TRRAP: variants seen among roughly 807,000 people sequenced by gnomAD.
TRRAP encodes transformation/transcription domain associated protein.
Under a neutral mutation model 438.8 loss-of-function variants are expected in TRRAP, and 41 were observed. The ratio of observed to expected loss-of-function variants is 0.09; its 90% CI spans 0.07 to 0.12. TRRAP has a LOEUF of 0.12. Ranked by LOEUF, TRRAP falls within the 10% of genes least tolerant of loss-of-function variation. The pLI is 1.00. For synonymous variants in TRRAP, 1,994 were observed against 1,962.9 expected, an observed-to-expected ratio of 1.02 and a Z score of -0.42; for missense variants, 3,122 against 5,055.1, an observed-to-expected ratio of 0.62 and a Z score of 11.60.
intron 12 of TRRAP, 128 bp downstream of exon 12, chr7:98,903,645 G>C: frequency 7.4e-7 from 1 of 1,349,646 alleles, no homozygotes; most frequent in Non-Finnish European, 1.0e-6. Context: ...TGCTGTCTTG[G>C]GTTCATTCTT....
chr7:98,993,379 C>T (rs1443925549), intron 65 of TRRAP, among the ~76,000 whole-genome samples, 159 bp from the exon 66 acceptor site: 1 of 152,268 alleles, frequency 6.6e-6, no homozygotes, highest in Non-Finnish European at 1.5e-5. Context: ...GCGCCTAGAA[C>T]CAGGGCCTTC....
intron 11 of TRRAP, among the ~76,000 whole-genome samples, chr7:98,902,558 A>G (rs1414009308): frequency 2.0e-5 from 3 of 150,724 alleles, no homozygotes; most frequent in Non-Finnish European, 4.4e-5. Context: ...ATTTTAATGC[A>G]TATGATTAGA....
intron 4 of TRRAP, among the ~76,000 whole-genome samples, chr7:98,891,090 C>T (rs1795946558): frequency 6.6e-6 from 1 of 150,996 alleles, no homozygotes; most frequent in African/African-American, 2.4e-5. Context: ...GCCACTACGC[C>T]TAGCCTAGTG....
chr7:98,971,872 A>G lies in TRRAP; in HGVS notation c.7766A>G (p.Lys2589Arg). The change falls in exon 53 of 73, where the codon AAG becomes AGG. Residue 2589 changes from lysine (K) to arginine (R), a missense_variant. Coordinates refer to ENST00000456197, the MANE Select transcript of TRRAP (RefSeq NM_001375524.1). ...CCCAAAACCAAAGAACTTTCAGAAA[A>G]GGACATTGGAAACCAGCTGCACATG... The part of the protein sequence containing the change: ...STPKTKELSE[K>R]DIGNQLHMLT... 1 of 1,614,234 alleles carries G rather than the reference A, an allele frequency of 6.2e-7. No homozygotes were observed. Among genetic ancestry groups the G allele is most frequent in the Non-Finnish European group, 8.5e-7 (1 of 1,180,042 alleles).
At chr7:98,968,776 T>G (rs957564641) in intron 51 of TRRAP, among the ~76,000 whole-genome samples, 10 of 152,238 alleles carry the variant, frequency 6.6e-5, no homozygotes, top group Non-Finnish European at 1.0e-4. Context: ...TTCCTGTTCG[T>G]GCCGGATGGG....
At position 99,011,358 on chromosome 7, in the gene TRRAP, T is replaced by C. The variant is rs375877956; in HGVS notation, c.11160T>C (p.Asn3720=). 130 of 1,614,132 alleles carry C rather than the reference T, an allele frequency of 8.1e-5. 1 individual carries two copies. In the African/African-American group the frequency reaches 1.6e-3, roughly 20 times the overall value. The change falls in exon 72 of 73, where the codon AAT becomes AAC. Residue 3720 remains asparagine (N), a synonymous_variant. Transcript: ENST00000456197. This position sits in a 1 kb window ranked among gnomAD's most constrained non-coding sequence, Gnocchi z 7.1. ...AAATTTAGGACACTGGCAAACTGAA[T>C]GTTGCCTACTTTCGATTTGACATAA... ...LQIAQDTGKL[N]VAYFRFDIND... is the part of the protein sequence containing the mutation.
At chr7:98,897,228 C>G (rs1170977887) in intron 7 of TRRAP, among the ~76,000 whole-genome samples, 4 of 152,078 alleles carry the variant, frequency 2.6e-5, no homozygotes, top group Non-Finnish European at 4.4e-5. Flanking sequence ...GAGCGAGACT[C>G]TGTCTCAAGA....
rs1263238888 is a variant in TRRAP, at chr7:98,927,172, C to T, written c.2981C>T (p.Thr994Ile). ...LYQLLAHPNF[T>I]EKTIPNVIIS... ...GATCTGATTTTGCCTTTCAGCTTTACAGAAAAGACCATCCCCAATGTTATC... is the reference window on the plus strand; with the variant it reads ...GATCTGATTTTGCCTTTCAGCTTTATAGAAAAGACCATCCCCAATGTTATC... The change falls in exon 23 of 73, where the codon ACA (threonine) becomes ATA (isoleucine). Residue 994 changes from threonine to isoleucine, a missense_variant. Around this residue, in one of 24 missense-constraint regions of TRRAP, gnomAD observed 133 missense variants for 188.6 expected, o/e 0.71. Transcript: ENST00000456197. 3 of 1,614,124 alleles carry T rather than the reference C, an allele frequency of 1.9e-6. No homozygotes were observed. Among genetic ancestry groups the T allele is most frequent in the African/African-American group, 1.3e-5 (1 of 74,944 alleles).
At chr7:98,910,716 C>T in intron 16 of TRRAP, 109 bp downstream of exon 16, 1 of 898,916 alleles carries the variant, frequency 1.1e-6, no homozygotes, top group South Asian at 1.8e-5. Context: ...GGATGGTCCA[C>T]AGTATTTGTA....
chr7:98,896,976 T>C (rs1796239739), intron 7 of TRRAP, among the ~76,000 whole-genome samples: 1 of 152,086 alleles, frequency 6.6e-6, no homozygotes, highest in South Asian at 2.1e-4. Flanking sequence ...GGCTCACCCC[T>C]GCAATCCCAG....
At chr7:98,889,018 T>TAAAAAGGATTGGGTGTTAG (rs1274794176) in intron 3 of TRRAP, among the ~76,000 whole-genome samples, 6 of 151,732 alleles carry the variant, frequency 4.0e-5, no homozygotes, top group African/African-American at 1.5e-4. Flanking sequence ...TAGATATACT[T>TAAAAAGGATTGGGTGTTAG]GATTTGAATC....
intron 58 of TRRAP, 65 bp from the exon 59 acceptor site, chr7:98,981,704 T>C: frequency 6.7e-7 from 1 of 1,490,990 alleles, no homozygotes; most frequent in South Asian, 1.3e-5. Context: ...CTTTTTCCTG[T>C]TTGACACTTT....
chr7:98,889,227 G>A (rs191038851), intron 3 of TRRAP, among the ~76,000 whole-genome samples: 13 of 152,000 alleles, frequency 8.6e-5, no homozygotes, highest in South Asian at 8.3e-4. Flanking sequence ...GTGAAATGGA[G>A]ATAATACCTA....
At chr7:98,891,634 C>T (rs993854042) in intron 4 of TRRAP, among the ~76,000 whole-genome samples, 5 of 150,170 alleles carry the variant, frequency 3.3e-5, no homozygotes, top group African/African-American at 1.2e-4. Context: ...CTCCCGGGTT[C>T]ACACCATTCT....
chr7:98,929,550 C>T (rs1554412340), intron 23 of TRRAP, among the ~76,000 whole-genome samples: 2 of 152,014 alleles, frequency 1.3e-5, no homozygotes, highest in African/African-American at 4.8e-5. Context: ...TGCAGTTTAA[C>T]AGAAGTTGGC....
rs564728404 is a variant in TRRAP, at chr7:98,908,346, CTG to C, written c.1116-378_1116-377del. ...AAAACTAGTAGCCTGAAAATTCTTACTGTGTCTCTGTAAAGTGGTCATCATAT... is the reference window on the plus strand; with the variant it reads ...AAAACTAGTAGCCTGAAAATTCTTACTGTCTCTGTAAAGTGGTCATCATAT... On this transcript the variant is annotated intron_variant, in intron 13 of 72. Transcript: ENST00000456197. This position sits in a 1 kb window ranked among gnomAD's most constrained non-coding sequence, Gnocchi z 4.1. Among the ~76,000 whole-genome samples, 2 of 152,174 alleles carry C rather than the reference CTG, an allele frequency of 1.3e-5. No individual in the cohort carries two copies. The highest frequency in any genetic ancestry group is 2.4e-5 in the African/African-American group (1 of 41,446).
rs1402417640 is a variant in TRRAP, at chr7:98,984,881, A to G, written c.9289-63A>G. 4.6e-6 allele frequency: 5 copies of G among 1,075,728 alleles called. No homozygotes were observed. The East Asian group carries it at 9.5e-5, about 20-fold the overall frequency. The allele number at this position is 1,075,728 out of a possible 1,614,324, so 66.6% of individuals were successfully genotyped here. A position where few individuals can be genotyped will look rare whatever the true frequency, so the allele number is the denominator to read the frequency against. ...GACTTACTGCCTAGATTAGTATTTTATGAGGTTTTCATATTGTTTAGAAAT... is the reference window on the plus strand; with the variant it reads ...GACTTACTGCCTAGATTAGTATTTTGTGAGGTTTTCATATTGTTTAGAAAT... On this transcript the variant is annotated intron_variant, in intron 61 of 72. Transcript: ENST00000456197.
rs111542096 is a variant in TRRAP at position 98,956,987 on chromosome 7, C to T, written c.6231+454C>T. Among the ~76,000 whole-genome samples the T allele has an allele frequency of 5.4e-3, 819 of 152,142 alleles. 3 individuals are homozygous for T. Among genetic ancestry groups the T allele is most frequent in the African/African-American group, 0.017 (725 of 41,502 alleles). ...TGTCATGGACCTGCTGGCTTGTGGA[C>T]GCAGGCCTGGCCACCCTACTTCTGG... On this transcript the variant is annotated intron_variant, in intron 43 of 72. Coordinates refer to ENST00000456197, the MANE Select transcript of TRRAP (RefSeq NM_001375524.1). This position sits in a 1 kb window ranked among gnomAD's most constrained non-coding sequence, Gnocchi z 4.5.
At chr7:98,909,001 T>A in intron 14 of TRRAP, 39 bp downstream of exon 14, 1 of 1,525,478 alleles carries the variant, frequency 6.6e-7, no homozygotes, top group Non-Finnish European at 8.9e-7. Context: ...TCCTGCACTC[T>A]ATCCTGTTTG....
Sources: allele counts gnomAD v4.1 joint callset (sites outside exome capture counted in the v4.1 genomes callset), GRCh38; gene constraint gnomAD v4.1.1; regional missense constraint gnomAD v4.1.1; non-coding constraint Gnocchi (gnomAD v3.1); transcripts MANE v1.5; gene names NCBI Gene and HGNC (gene_info 2026-07-23, HGNC 2026-07-21).